CRTAC1: variants seen among roughly 807,000 people sequenced by gnomAD.
The protein encoded by CRTAC1 is acidic secreted protein in cartilage.
Under a neutral mutation model 67.8 loss-of-function variants are expected in CRTAC1, and 37 were observed. The observed-to-expected ratio is 0.55, with a 90% CI of 0.42 to 0.72. The LOEUF is 0.72. Among genes scored for constraint, CRTAC1 ranks in the 30% least tolerant of loss-of-function variants. The pLI is 0.00. For missense variants in CRTAC1, 780 were observed against 931.6 expected (o/e 0.84, Z 2.12); for synonymous variants, 348 against 371.0 (o/e 0.94, Z 0.71).
Position 97,923,296 on chromosome 10 carries a change from C to A in CRTAC1, c.526G>T (p.Ala176Ser), listed in dbSNP as rs1020328904. 2.5e-6 allele frequency: 4 copies of A among 1,614,130 alleles called. No homozygotes were observed. The highest frequency in any genetic ancestry group is 3.4e-6 in the Non-Finnish European group (4 of 1,180,038). Residue 176 changes from alanine to serine, a missense_variant, in exon 4 of 15, where the codon GCC (alanine) becomes TCC (serine). By Grantham distance (99) the Ala-to-Ser change is moderately conservative. Transcript: ENST00000370597. ...NVARGVASLF[A>S]GRSVACVDRK... ...TCCACACAGGCCACAGAGCGTCCGG[C>A]AAAGAGGCTGGCCACACCACGGGCC...
intron 2 of CRTAC1, among the ~76,000 whole-genome samples, chr10:97,947,423 A>T (rs981309997): frequency 1.2e-4 from 19 of 152,360 alleles, no homozygotes; most frequent in Admixed American, 2.6e-4. Flanking sequence ...TTAGTAAGAG[A>T]CATATGGGTC....
intron 2 of CRTAC1, among the ~76,000 whole-genome samples, chr10:97,974,975 C>T (rs1187652036): frequency 2.0e-5 from 3 of 151,618 alleles, no homozygotes; most frequent in African/African-American, 4.8e-5. Context: ...GAGAAGGGAG[C>T]GGGCAGTGGG....
In CRTAC1 at chr10:98,019,070, T is replaced by TG. The variant is rs199694446; in HGVS notation, c.25-7734dup. 5.1e-3 allele frequency among the ~76,000 whole-genome samples: 773 copies of TG among 150,776 alleles called. 3 individuals are homozygous for TG. The highest frequency in any genetic ancestry group is 7.0e-3 in the South Asian group (33 of 4,714). On this transcript the variant is annotated intron_variant, in intron 1 of 14. Coordinates refer to ENST00000370597, the MANE Select transcript of CRTAC1 (RefSeq NM_018058.7). ...GGAGCACAGAGAGATGTAAGTTAGC[T>TG]GGGGGGGGAGCTGGGAAGTGCTTCC... is the stretch of plus-strand genomic sequence containing the variant.
At chr10:97,893,763 C>T (rs966314418) in intron 11 of CRTAC1, among the ~76,000 whole-genome samples, 1 of 152,162 alleles carries the variant, frequency 6.6e-6, no homozygotes. Context: ...CTTCCACCAT[C>T]TCTAAGCCCT....
In CRTAC1 at chr10:97,895,373, C is replaced by A. The variant is rs202006893; in HGVS notation, c.1358G>T (p.Arg453Leu). The A allele has an allele frequency of 1.2e-6, 2 of 1,612,682 alleles. No homozygotes were observed. Among genetic ancestry groups the A allele is most frequent in the Admixed American group, 1.7e-5 (1 of 59,834 alleles). Residue 453 changes from arginine (R) to leucine (L), a missense_variant, in exon 11 of 15, where the codon CGG (arginine) becomes CTG (leucine). Transcript: ENST00000370597. The surrounding 1 kb of genome is among the most constrained non-coding windows in gnomAD (Gnocchi z 4.2). The stretch of plus-strand genomic sequence containing the variant: ...AGCTCCCCTGGCAAAGGCCCCAAAC[C>A]GGGTGCGTGGCACCACTCGCAGCCA... The part of the protein sequence containing the change: ...NNWLRVVPRT[R>L]FGAFARGAKV...
rs540548830 is a variant in CRTAC1, at chr10:97,902,956, G to A, written c.997-1317C>T. ...CAAAAAGACCTCAGGATCTCTAGCCGTTATGATTCTATTGATCCTATAAAA... is the reference window on the plus strand; with the variant it reads ...CAAAAAGACCTCAGGATCTCTAGCCATTATGATTCTATTGATCCTATAAAA... On this transcript the variant is annotated intron_variant, in intron 7 of 14. Transcript: ENST00000370597. Among the ~76,000 whole-genome samples, 6 of 152,112 alleles carry A rather than the reference G, an allele frequency of 3.9e-5. No homozygotes were observed. The East Asian group carries it at 5.8e-4, about 15-fold the overall frequency.
chr10:97,897,689 A>G (rs2050481130), intron 8 of CRTAC1, among the ~76,000 whole-genome samples: 1 of 152,206 alleles, frequency 6.6e-6, no homozygotes, highest in South Asian at 2.1e-4. Flanking sequence ...GATGTTATTT[A>G]TTTCAGAAAC....
intron 2 of CRTAC1, among the ~76,000 whole-genome samples, chr10:97,979,757 T>C (rs1474253991): frequency 6.6e-6 from 1 of 152,180 alleles, no homozygotes; most frequent in Non-Finnish European, 1.5e-5. Context: ...TAAATCCAAA[T>C]GTCTCTGGGG....
Position 98,029,907 on chromosome 10 carries a change from C to T in CRTAC1, c.24+542G>A, listed in dbSNP as rs1843330997. On this transcript the variant is annotated intron_variant, in intron 1 of 14. Coordinates refer to ENST00000370597, the MANE Select transcript of CRTAC1 (RefSeq NM_018058.7). This position sits in a 1 kb window ranked among gnomAD's most constrained non-coding sequence, Gnocchi z 4.7. ...CTACGCCGCGCGCGGGGCTGGCTCCCGGAGCTCTCTGCCACCCAGCGCTGT... is the reference window on the plus strand; with the variant it reads ...CTACGCCGCGCGCGGGGCTGGCTCCTGGAGCTCTCTGCCACCCAGCGCTGT... 6.6e-6 allele frequency among the ~76,000 whole-genome samples: 1 copy of T among 152,000 alleles called. No homozygotes were observed. The highest frequency in any genetic ancestry group is 1.5e-5 in the Non-Finnish European group (1 of 67,956).
At chr10:97,883,163 G>C (rs1042433660) in intron 12 of CRTAC1, among the ~76,000 whole-genome samples, 3 of 152,206 alleles carry the variant, frequency 2.0e-5, no homozygotes, top group Non-Finnish European at 4.4e-5. Context: ...GTGTAATGAG[G>C]GCTGGGAGAT....
chr10:97,964,691 T>C (rs895496477), intron 2 of CRTAC1, among the ~76,000 whole-genome samples: 5 of 152,228 alleles, frequency 3.3e-5, no homozygotes, highest in Non-Finnish European at 7.3e-5. Flanking sequence ...TCGCCTGACC[T>C]TATTAGGCCG....
chr10:98,028,198 T>C (rs148492808), intron 1 of CRTAC1, among the ~76,000 whole-genome samples: 23 of 152,188 alleles, frequency 1.5e-4, no homozygotes, highest in African/African-American at 5.5e-4. Context: ...GCACCCGAGG[T>C]CACAGGACCA....
chr10:98,024,069 C>T (rs1423479951), intron 1 of CRTAC1, among the ~76,000 whole-genome samples: 3 of 152,336 alleles, frequency 2.0e-5, no homozygotes, highest in South Asian at 2.1e-4. Flanking sequence ...CAATAGAGGG[C>T]TGGAATGCCA....
chr10:97,931,851 T>A (rs772626321), intron 3 of CRTAC1, among the ~76,000 whole-genome samples: 11 of 152,294 alleles, frequency 7.2e-5, no homozygotes, highest in Middle Eastern at 3.4e-3. Flanking sequence ...GGGATGGGCT[T>A]TGACCAGGAG....
At chr10:97,966,246 C>T (rs944966605) in intron 2 of CRTAC1, among the ~76,000 whole-genome samples, 9 of 152,132 alleles carry the variant, frequency 5.9e-5, no homozygotes, top group African/African-American at 1.9e-4. Context: ...TGGCTAATTA[C>T]GGGCATGCGC....
intron 14 of CRTAC1, among the ~76,000 whole-genome samples, chr10:97,876,527 TCCCA>T (rs2050149364): frequency 2.0e-5 from 3 of 152,136 alleles, no homozygotes; most frequent in Non-Finnish European, 4.4e-5. Context: ...TGGCCCACCT[TCCCA>T]CTGGAGTGAG....
intron 2 of CRTAC1, among the ~76,000 whole-genome samples, chr10:97,969,195 C>T (rs577476475): frequency 1.3e-5 from 2 of 152,308 alleles, no homozygotes; most frequent in Non-Finnish European, 2.9e-5. Context: ...CATCCCAGCT[C>T]CAATCCAAGA....
intron 4 of CRTAC1, among the ~76,000 whole-genome samples, chr10:97,921,029 C>T (rs1017771597): frequency 1.3e-5 from 2 of 151,994 alleles, no homozygotes; most frequent in African/African-American, 4.8e-5. Context: ...CAGCACATGG[C>T]AGAGTGGGGG....
chr10:97,969,463 T>A (rs2136651302), intron 2 of CRTAC1, among the ~76,000 whole-genome samples: 1 of 152,288 alleles, frequency 6.6e-6, no homozygotes, highest in East Asian at 1.9e-4. Flanking sequence ...CCTCTCTTTC[T>A]CCCAAGTCTG....
Sources: allele counts gnomAD v4.1 joint callset (sites outside exome capture counted in the v4.1 genomes callset), GRCh38; gene constraint gnomAD v4.1.1; non-coding constraint Gnocchi (gnomAD v3.1); transcripts MANE v1.5; gene names NCBI Gene and HGNC (gene_info 2026-07-23, HGNC 2026-07-21).